Variants in RBM18 observed in about 807,000 individuals in gnomAD.
RBM18 encodes probable RNA-binding protein 18.
RBM18 carries 18 observed loss-of-function variants against 26.4 expected under a neutral mutation model. The observed-to-expected ratio is 0.68, with a 90% confidence interval of 0.47 to 1.01. The LOEUF is 1.01. Ranked by LOEUF, RBM18 falls within the 50% of genes least tolerant of loss-of-function variation. The pLI, the probability that RBM18 is intolerant of heterozygous loss-of-function variation, is 0.00. For missense variants in RBM18, 180 were observed against 219.2 expected, an observed-to-expected ratio of 0.82 and a Z score of 1.13; for synonymous variants, 74 against 81.1, an observed-to-expected ratio of 0.91 and a Z score of 0.47.
chr9:122,259,223 A>T (rs1322165003), intron 2 of RBM18, among the ~76,000 whole-genome samples: 1 of 152,226 alleles, frequency 6.6e-6, no homozygotes, highest in African/African-American at 2.4e-5. Flanking sequence ...AAGCAGCAGG[A>T]CACAATTAGA....
chr9:122,254,957 C>A (rs945284502), intron 2 of RBM18, among the ~76,000 whole-genome samples: 2 of 152,012 alleles, frequency 1.3e-5, no homozygotes, highest in African/African-American at 4.8e-5. Context: ...TGAGTGAGTA[C>A]TAAAGACAAA....
Position 122,245,249 on chromosome 9 carries a change from A to C in RBM18, c.413+7T>G, listed in dbSNP as rs777600072. The C allele has an allele frequency of 6.5e-5, 100 of 1,540,998 alleles. No homozygotes were observed. The highest frequency in any genetic ancestry group is 8.4e-5 in the Non-Finnish European group (94 of 1,115,060). ...TTACTGTGTCTTTCTATAGTACATC[A>C]TCTTACCTTAGGTTAGACTGAGTAG... On this transcript the variant is annotated splice_region_variant and intron_variant, in intron 5 of 5. Transcript: ENST00000417201.
rs759151484 is a variant in RBM18, at chr9:122,261,460, C to T, written c.33G>A (p.Glu11=). The part of the protein sequence containing the change: MEAETKTLPL[E]NASILSEGSL... ...AGCCCTCTGAAAGGATGGATGCATT[C>T]TCCAGGGGAAGAGTTTTGGTTTCTG... Residue 11 remains glutamate (E), a synonymous_variant, in exon 2 of 6, where the codon GAG becomes GAA. Coordinates refer to ENST00000417201, the MANE Select transcript of RBM18 (RefSeq NM_033117.4). 1 of 1,614,158 alleles carries T rather than the reference C, an allele frequency of 6.2e-7. No individual in the cohort carries two copies. The highest frequency in any genetic ancestry group is 8.5e-7 in the Non-Finnish European group (1 of 1,179,984).
At chr9:122,256,665 T>C (rs1288289269) in intron 2 of RBM18, among the ~76,000 whole-genome samples, 1 of 152,228 alleles carries the variant, frequency 6.6e-6, no homozygotes, top group African/African-American at 2.4e-5. Context: ...TTGTGACTGT[T>C]CAAAAATTAG....
intron 2 of RBM18, among the ~76,000 whole-genome samples, chr9:122,260,476 A>C (rs1191448139): frequency 6.6e-6 from 1 of 152,252 alleles, no homozygotes; most frequent in Admixed American, 6.5e-5. Context: ...GCAGAAGGGA[A>C]AAACCTCTCA....
rs758636046 is a variant in RBM18, at chr9:122,242,030, T to A, written c.427A>T (p.Ile143Leu). 2 of 1,613,968 alleles carry A rather than the reference T, an allele frequency of 1.2e-6. No individual in the cohort carries two copies. The highest frequency in any genetic ancestry group is 1.7e-6 in the Non-Finnish European group (2 of 1,180,014). Residue 143 changes from isoleucine (I) to leucine (L), a missense_variant, in exon 6 of 6, where the codon ATA becomes TTA. Ile to Leu is a conservative substitution (Grantham distance 5). Coordinates refer to ENST00000417201, the MANE Select transcript of RBM18 (RefSeq NM_033117.4). ...TQSNLSVTAK[I>L]KAIEAKLKMM... ...TTCAGTTTTGCTTCAATGGCTTTTATCTTTGCAGTGACACTGGAAAAATAA... is the reference window on the plus strand; with the variant it reads ...TTCAGTTTTGCTTCAATGGCTTTTAACTTTGCAGTGACACTGGAAAAATAA...
chr9:122,257,733 A>T (rs1288706789), intron 2 of RBM18, among the ~76,000 whole-genome samples: 3 of 152,224 alleles, frequency 2.0e-5, no homozygotes, highest in Non-Finnish European at 4.4e-5. Context: ...TCTTCTAACA[A>T]GCGGTAAAAG....
At chr9:122,262,974 C>T (rs1470737405) in intron 1 of RBM18, among the ~76,000 whole-genome samples, 1 of 152,174 alleles carries the variant, frequency 6.6e-6, no homozygotes, top group South Asian at 2.1e-4. Context: ...TAACTTAAGG[C>T]TTCGAGGACC....
In RBM18 at chr9:122,239,524, AT is replaced by A. The variant is rs1831377886; in HGVS notation, c.*2359del. On this transcript the variant is annotated 3_prime_UTR_variant, in exon 6 of 6. Transcript: ENST00000417201. ...TCACTCTTGTATATAAATCAAAATTATAAGTGACATAATTTTAGCAAACCAA... is the reference window on the plus strand; with the variant it reads ...TCACTCTTGTATATAAATCAAAATTAAAGTGACATAATTTTAGCAAACCAA... 1 of 152,264 alleles carries A rather than the reference AT, an allele frequency of 6.6e-6. No individual in the cohort carries two copies. The highest frequency in any genetic ancestry group is 2.4e-5 in the African/African-American group (1 of 41,472). The allele number at this position is 152,264 out of a possible 1,614,324, so 9.4% of individuals were successfully genotyped here. A position where few individuals can be genotyped will look rare whatever the true frequency, so the allele number is the denominator to read the frequency against.
chr9:122,240,014 G>A lies in RBM18; in HGVS notation c.*1870C>T, dbSNP rs535437187. The A allele has an allele frequency of 2.4e-4, 36 of 152,314 alleles. No homozygotes were observed. The highest frequency in any genetic ancestry group is 7.9e-4 in the African/African-American group (33 of 41,560). 9.4% of individuals were successfully genotyped at this position (152,314 alleles called of 1,614,324 possible). On this transcript the variant is annotated 3_prime_UTR_variant, in exon 6 of 6. Coordinates refer to ENST00000417201, the MANE Select transcript of RBM18 (RefSeq NM_033117.4). ...GAGAAGATATAACCACACGGACACC[G>A]TCTTACATTTATTCACACAGAGGGA... is the stretch of plus-strand genomic sequence containing the variant.
chr9:122,252,054 G>A (rs1034058273), intron 2 of RBM18, 81 bp from the exon 3 acceptor site: 11 of 1,568,134 alleles, frequency 7.0e-6, no homozygotes, highest in Middle Eastern at 1.7e-4. Flanking sequence ...AAAAGCAGGA[G>A]ATAATTTACC....
chr9:122,250,707 G>A (rs1281860419), intron 3 of RBM18, among the ~76,000 whole-genome samples: 1 of 152,068 alleles, frequency 6.6e-6, no homozygotes, highest in Non-Finnish European at 1.5e-5. Flanking sequence ...CCATTTGTGT[G>A]TTACAACACT....
At chr9:122,263,041 G>T (rs936417067) in intron 1 of RBM18, among the ~76,000 whole-genome samples, 2 of 152,192 alleles carry the variant, frequency 1.3e-5, no homozygotes, top group African/African-American at 4.8e-5. Context: ...ACAGCAGGCT[G>T]TGTCAGAGTT....
At chr9:122,247,769 G>C (rs1402767701) in intron 3 of RBM18, among the ~76,000 whole-genome samples, 165 bp from the exon 4 acceptor site, 1 of 148,186 alleles carries the variant, frequency 6.7e-6, no homozygotes, top group Non-Finnish European at 1.5e-5. Context: ...TTTAAAAAGG[G>C]CATGGTTTTT....
At chr9:122,263,883 A>G (rs10760220) in intron 1 of RBM18, among the ~76,000 whole-genome samples, 49,092 of 152,172 alleles carry the variant, frequency 0.32, 9,148 homozygotes, top group South Asian at 0.47. Flanking sequence ...TAGTAACTGC[A>G]CCTTTAGCAA....
intron 1 of RBM18, among the ~76,000 whole-genome samples, chr9:122,263,470 AAAAT>A (rs1191395274): frequency 6.6e-6 from 1 of 152,238 alleles, no homozygotes; most frequent in Non-Finnish European, 1.5e-5. Flanking sequence ...ATTCATTCAA[AAAAT>A]AAATTCACTG....
At position 122,245,295 on chromosome 9, in the gene RBM18, T is replaced by G; in HGVS notation, c.374A>C (p.Glu125Ala). 6.2e-7 allele frequency: 1 copy of G among 1,611,174 alleles called. No homozygotes were observed. Among genetic ancestry groups the G allele is most frequent in the Non-Finnish European group, 8.5e-7 (1 of 1,177,310 alleles). ...AGTAGGCTCAGTGCTTGAGGATGGC[T>G]CGAGACTGATTGGAAGAATCTTATC... ...KNDKILPISL[E>A]PSSSTEPTQS... Residue 125 changes from glutamate to alanine, a missense_variant, in exon 5 of 6, where the codon GAG becomes GCG. Coordinates refer to ENST00000417201, the MANE Select transcript of RBM18 (RefSeq NM_033117.4).
chr9:122,256,088 T>C (rs1042007622), intron 2 of RBM18, among the ~76,000 whole-genome samples: 7 of 152,156 alleles, frequency 4.6e-5, no homozygotes, highest in Non-Finnish European at 1.0e-4. Flanking sequence ...CACATCACTT[T>C]CATGATGTCA....
chr9:122,262,012 G>A (rs12555156), intron 1 of RBM18, among the ~76,000 whole-genome samples: 25,326 of 152,066 alleles, frequency 0.17, 2,659 homozygotes, highest in East Asian at 0.32. Context: ...ACAGAACTGG[G>A]TTTGAAAGCA....
Sources: allele counts gnomAD v4.1 joint callset (sites outside exome capture counted in the v4.1 genomes callset), GRCh38; gene constraint gnomAD v4.1.1; transcripts MANE v1.5; gene names NCBI Gene and HGNC (gene_info 2026-07-23, HGNC 2026-07-21).